Variants in GATB observed in about 807,000 individuals in gnomAD.
GATB encodes glutamyl-tRNA(Gln) amidotransferase subunit B, mitochondrial.
Under a neutral mutation model 62.3 loss-of-function variants are expected in GATB, and 39 were observed. That is an observed-to-expected ratio of 0.63 (90% CI 0.48 to 0.82). The LOEUF (loss-of-function observed/expected upper bound fraction) is 0.82. GATB is among the 40% of genes least tolerant of loss of function. The pLI is 0.00. For missense variants in GATB, 670 were observed against 684.0 expected, an observed-to-expected ratio of 0.98 and a Z score of 0.23; for synonymous variants, 276 against 258.9, an observed-to-expected ratio of 1.07 and a Z score of -0.63.
rs1352030125 is a variant in GATB, at chr4:151,672,853, T to C, written c.1454A>G (p.Gln485Arg). 6.2e-7 allele frequency: 1 copy of C among 1,614,082 alleles called. No homozygotes were observed. The highest frequency in any genetic ancestry group is 8.5e-7 in the Non-Finnish European group (1 of 1,180,024). ...LWKREGKTPG[Q>R]IVSEKQLELM... is the part of the protein sequence containing the mutation. ...TTCAAGCTGCTTTTCTGAAACAATC[T>C]GCCCTGGAGTCTTGCCTTCCCTCTT... The change falls in exon 12 of 13, where the codon CAG becomes CGG. Residue 485 changes from glutamine (Q) to arginine (R), a missense_variant. By Grantham distance (43) the Gln-to-Arg change is conservative. Transcript: ENST00000263985.
At chr4:151,737,656 G>A (rs1739403635) in intron 2 of GATB, among the ~76,000 whole-genome samples, 1 of 152,168 alleles carries the variant, frequency 6.6e-6, no homozygotes, top group African/African-American at 2.4e-5. Flanking sequence ...CACAGGCCTG[G>A]AGGCCTAGGA....
At chr4:151,757,795 T>C (rs1695088756) in intron 2 of GATB, among the ~76,000 whole-genome samples, 1 of 152,124 alleles carries the variant, frequency 6.6e-6, no homozygotes, top group African/African-American at 2.4e-5. Context: ...CTTCCACTCT[T>C]ATTTAAATGT....
In GATB at chr4:151,725,022, G is replaced by C. The variant is rs975825662; in HGVS notation, c.328-5484C>G. Among the ~76,000 whole-genome samples, 4 of 152,194 alleles carry C rather than the reference G, an allele frequency of 2.6e-5. No individual in the cohort carries two copies. The South Asian group carries it at 8.3e-4, about 32-fold the overall frequency. On this transcript the variant is annotated intron_variant, in intron 2 of 12. Transcript: ENST00000263985. ...TTAACACAGAGGCTTTATTACACAT[G>C]AGAGAAGAGCTGAAACGTCAAAGAG...
chr4:151,697,629 A>G (rs1247229505), intron 9 of GATB, among the ~76,000 whole-genome samples: 1 of 150,136 alleles, frequency 6.7e-6, no homozygotes, highest in Non-Finnish European at 1.5e-5. Flanking sequence ...AATAAATTTT[A>G]TAATCATAAA....
chr4:151,690,712 T>C (rs1361441634), intron 9 of GATB, among the ~76,000 whole-genome samples: 3 of 152,234 alleles, frequency 2.0e-5, no homozygotes, highest in African/African-American at 4.8e-5. Context: ...GGGTGGTTTT[T>C]TTATTGGATG....
At position 151,697,978 on chromosome 4, in the gene GATB, T is replaced by TGTGTATATATATAC. The variant is rs1738520204; in HGVS notation, c.1197+3350_1197+3351insGTATATATATACAC. 1.1e-4 allele frequency among the ~76,000 whole-genome samples: 15 copies of TGTGTATATATATAC among 133,292 alleles called. No individual in the cohort carries two copies. The South Asian group carries it at 2.3e-3, about 21-fold the overall frequency. The allele number at this position is 133,292 out of a possible 152,430, so 87.4% of individuals were successfully genotyped here. ...GTATATATATATATATATATATATATATATATATATATATATGAAATGAAG... is the reference window on the plus strand; with the variant it reads ...GTATATATATATATATATATATATATGTGTATATATATACATATATATATATATATGAAATGAAG... On this transcript the variant is annotated intron_variant, in intron 9 of 12. Transcript: ENST00000263985.
chr4:151,696,197 T>A (rs556981925), intron 9 of GATB, among the ~76,000 whole-genome samples: 5 of 152,344 alleles, frequency 3.3e-5, no homozygotes, highest in African/African-American at 1.2e-4. Context: ...TTTTTTCACT[T>A]GGAAAATAGA....
chr4:151,688,557 G>A (rs1738298323), intron 10 of GATB, 73 bp downstream of exon 10: 1 of 1,479,008 alleles, frequency 6.8e-7, no homozygotes, highest in Non-Finnish European at 9.1e-7. Flanking sequence ...CAAAAAAATG[G>A]ACCTGCCCTA....
intron 5 of GATB, among the ~76,000 whole-genome samples, chr4:151,711,111 T>C (rs995792621): frequency 1.3e-5 from 2 of 152,098 alleles, no homozygotes; most frequent in African/African-American, 4.8e-5. Context: ...CTAAAAACCA[T>C]CTTGTATGTC....
Position 151,760,896 on chromosome 4 carries a change from C to T in GATB, c.87G>A (p.Gly29=), listed in dbSNP as rs375371560. 12 of 1,613,926 alleles carry T rather than the reference C, an allele frequency of 7.4e-6. No homozygotes were observed. The highest frequency in any genetic ancestry group is 8.5e-6 in the Non-Finnish European group (10 of 1,179,958). ...RVDGGSCHRR[G]APTGSTSNQI... is the part of the protein sequence containing the mutation. ...GGTTGGATGTGGACCCAGTCGGAGC[C>T]CCTCTTCGGTGGCAAGAACCACCGT... Residue 29 remains glycine (G), a synonymous_variant, in exon 1 of 13, where the codon GGG becomes GGA. Coordinates refer to ENST00000263985, the MANE Select transcript of GATB (RefSeq NM_004564.3).
chr4:151,708,447 T>A (rs1409175959), intron 5 of GATB, among the ~76,000 whole-genome samples: 1 of 152,182 alleles, frequency 6.6e-6, no homozygotes, highest in Non-Finnish European at 1.5e-5. Context: ...AAAATGGAGA[T>A]TGACTCTGCA....
chr4:151,751,929 C>T (rs1356923982), intron 2 of GATB, among the ~76,000 whole-genome samples: 6 of 152,226 alleles, frequency 3.9e-5, no homozygotes, highest in African/African-American at 1.2e-4. Flanking sequence ...CCTCTTCCAA[C>T]GGTCTCATGG....
intron 10 of GATB, among the ~76,000 whole-genome samples, chr4:151,686,654 C>CCCGCCCG (rs1309859481): frequency 8.3e-6 from 1 of 120,124 alleles, no homozygotes; most frequent in Non-Finnish European, 1.8e-5. Flanking sequence ...CCCGCCCCGC[C>CCCGCCCG]CCCCCCCCAC....
chr4:151,717,542 G>A (rs995451637), intron 3 of GATB, among the ~76,000 whole-genome samples: 1 of 152,202 alleles, frequency 6.6e-6, no homozygotes, highest in Admixed American at 6.5e-5. Flanking sequence ...AGTTGCTAGT[G>A]TGTGTTTAAG....
Position 151,672,768 on chromosome 4 carries a change from A to G in GATB, c.1539T>C (p.Pro513=), listed in dbSNP as rs756050626. ...QLCHSVMEAH[P]QVVMDVKNRN... ...CCCTGCCCGAGATAGTCACCACTTG[A>G]GGATGGGCCTCCATCACAGAGTGGC... Residue 513 remains proline, a synonymous_variant, in exon 12 of 13, where the codon CCT becomes CCC. Transcript: ENST00000263985. The G allele has an allele frequency of 6.2e-7, 1 of 1,613,964 alleles. No individual in the cohort carries two copies. Among genetic ancestry groups the G allele is most frequent in the Non-Finnish European group, 8.5e-7 (1 of 1,179,892 alleles).
intron 2 of GATB, 83 bp from the exon 3 acceptor site, chr4:151,719,621 A>G (rs1738988093): frequency 1.1e-6 from 1 of 918,096 alleles, no homozygotes; most frequent in Non-Finnish European, 1.6e-6. Context: ...CTCGCTGAAT[A>G]TGCAACTTGG....
At chr4:151,743,867 T>TTGTCAGATA (rs1560864401) in intron 2 of GATB, among the ~76,000 whole-genome samples, 1 of 152,270 alleles carries the variant, frequency 6.6e-6, no homozygotes, top group Non-Finnish European at 1.5e-5. Context: ...AATCTGACTT[T>TTGTCAGATA]GTGAACTAAT....
chr4:151,739,096 CAA>C (rs1739432868), intron 2 of GATB, among the ~76,000 whole-genome samples: 1 of 152,204 alleles, frequency 6.6e-6, no homozygotes, highest in South Asian at 2.1e-4. Flanking sequence ...CAAAGCATGA[CAA>C]AGACCCTTGA....
chr4:151,706,589 T>C (rs553809647), intron 6 of GATB, among the ~76,000 whole-genome samples: 2 of 152,354 alleles, frequency 1.3e-5, no homozygotes, highest in South Asian at 2.1e-4. Context: ...TGCCTTCATA[T>C]AGGAGCCTAT....
Sources: allele counts gnomAD v4.1 joint callset (sites outside exome capture counted in the v4.1 genomes callset), GRCh38; gene constraint gnomAD v4.1.1; transcripts MANE v1.5; gene names NCBI Gene and HGNC (gene_info 2026-07-23, HGNC 2026-07-21).